CDC14B: variants seen among roughly 807,000 people sequenced by gnomAD.
The protein encoded by CDC14B is dual specificity protein phosphatase CDC14B.
A neutral mutation model predicts 64.2 loss-of-function variants in CDC14B; 22 were observed. The ratio of observed to expected loss-of-function variants is 0.34; its 90% CI spans 0.24 to 0.49. The LOEUF (loss-of-function observed/expected upper bound fraction) is 0.49. Among genes scored for constraint, CDC14B ranks in the 20% least tolerant of loss-of-function variants. The pLI is 0.99. For synonymous variants in CDC14B, 191 were observed against 215.8 expected, an observed-to-expected ratio of 0.89 and a Z score of 1.01; for missense variants, 498 against 629.9, an observed-to-expected ratio of 0.79 and a Z score of 2.24.
At chr9:96,602,964 G>A (rs1020313340) in intron 1 of CDC14B, among the ~76,000 whole-genome samples, 5 of 152,050 alleles carry the variant, frequency 3.3e-5, no homozygotes, top group East Asian at 1.9e-4. Context: ...ACCACATCTC[G>A]ACTTAGAGAA....
chr9:96,492,922 C>G (rs1210582648), exon 14 of CDC14B: 4 of 152,254 alleles, frequency 2.6e-5, no homozygotes, highest in Non-Finnish European at 5.9e-5. Context: ...TTGAACAAGA[C>G]CCCTCTAGCC....
At chr9:96,570,216 T>C (rs919545935) in intron 1 of CDC14B, among the ~76,000 whole-genome samples, 2 of 152,218 alleles carry the variant, frequency 1.3e-5, no homozygotes, top group African/African-American at 2.4e-5. Context: ...TCTGTTAAAT[T>C]TGAAATGAAA....
intron 1 of CDC14B, among the ~76,000 whole-genome samples, chr9:96,607,352 A>AT (rs1564391680): frequency 3.4e-5 from 5 of 148,940 alleles, no homozygotes; most frequent in Non-Finnish European, 7.4e-5. Flanking sequence ...GATTTCATTA[A>AT]ATTTTTTTTT....
At chr9:96,543,303 C>T (rs376300071) in intron 5 of CDC14B, among the ~76,000 whole-genome samples, 6 of 151,756 alleles carry the variant, frequency 4.0e-5, no homozygotes, top group African/African-American at 1.4e-4. Flanking sequence ...CATTGCACTC[C>T]AGCCTGGGTG....
At chr9:96,529,659 T>C (rs991340997) in intron 9 of CDC14B, among the ~76,000 whole-genome samples, 6 of 151,864 alleles carry the variant, frequency 4.0e-5, no homozygotes, top group Non-Finnish European at 8.8e-5. Flanking sequence ...ACCCAGTTAA[T>C]TTTTGTATTT....
intron 1 of CDC14B, among the ~76,000 whole-genome samples, chr9:96,570,974 G>A (rs549192040): frequency 4.6e-5 from 7 of 152,168 alleles, no homozygotes; most frequent in African/African-American, 7.2e-5. Context: ...GCACAGCAAC[G>A]TACAATCTGG....
At chr9:96,562,653 T>C (rs984304070) in intron 4 of CDC14B, 40 bp downstream of exon 4, 1 of 1,244,128 alleles carries the variant, frequency 8.0e-7, no homozygotes, top group African/African-American at 1.5e-5. Context: ...ACCACTGTTG[T>C]GTGCATTTTT....
At chr9:96,514,372 A>T in intron 12 of CDC14B, 1 of 943,196 alleles carries the variant, frequency 1.1e-6, no homozygotes, top group South Asian at 4.9e-5. Context: ...GTAGTTGACT[A>T]AGAGAAGTAA....
chr9:96,553,656 C>T (rs548727359), intron 4 of CDC14B, among the ~76,000 whole-genome samples: 3 of 151,922 alleles, frequency 2.0e-5, no homozygotes, highest in South Asian at 4.2e-4. Flanking sequence ...CCACCATGTC[C>T]GGCCTACACA....
intron 1 of CDC14B, among the ~76,000 whole-genome samples, chr9:96,575,421 T>C (rs979353872): frequency 1.2e-4 from 18 of 152,148 alleles, no homozygotes; most frequent in African/African-American, 4.3e-4. Context: ...CCCCCAACAT[T>C]GTTAGTCTCC....
At chr9:96,608,507 T>C (rs914766280) in intron 1 of CDC14B, among the ~76,000 whole-genome samples, 4 of 152,188 alleles carry the variant, frequency 2.6e-5, no homozygotes, top group Non-Finnish European at 5.9e-5. Context: ...TATACATTCA[T>C]GTCAAAGCAG....
At chr9:96,605,280 T>C (rs1251010964) in intron 1 of CDC14B, among the ~76,000 whole-genome samples, 2 of 152,184 alleles carry the variant, frequency 1.3e-5, no homozygotes, top group Non-Finnish European at 2.9e-5. Context: ...TTTCCAATTG[T>C]ACCACTATTT....
Position 96,551,825 on chromosome 9 carries a change from G to C in CDC14B, c.468C>G (p.Ile156Met). ...AAGGAATATAGGATGTCTCTCCAAA[G>C]ATTAATATTCTATATGCTTCTTCTG... ...RTPEEAYRIL[I>M]FGETSYIPFR... Residue 156 changes from isoleucine (I) to methionine (M), a missense_variant, in exon 5 of 14, where the codon ATC becomes ATG. Physicochemically the swap from Ile to Met is conservative, Grantham distance 10 (BLOSUM62 1). Coordinates refer to ENST00000375241, the MANE Select transcript of CDC14B (RefSeq NM_033331.4). 1.9e-6 allele frequency: 3 copies of C among 1,610,354 alleles called. No homozygotes were observed. Among genetic ancestry groups the C allele is most frequent in the Non-Finnish European group, 1.7e-6 (2 of 1,178,000 alleles).
chr9:96,547,455 G>A (rs1476058245), intron 5 of CDC14B, among the ~76,000 whole-genome samples: 1 of 150,954 alleles, frequency 6.6e-6, no homozygotes, highest in Non-Finnish European at 1.5e-5. Flanking sequence ...GACAGAGCGA[G>A]AGTCTGTCTT....
chr9:96,496,087 C>T (rs1833224577), downstream of CDC14B: 1 of 351,028 alleles, frequency 2.8e-6, no homozygotes, highest in Admixed American at 3.8e-5. Context: ...GAATGGGCCT[C>T]CTACCATCCC....
At chr9:96,549,731 C>A (rs1357286123) in intron 5 of CDC14B, among the ~76,000 whole-genome samples, 5 of 151,928 alleles carry the variant, frequency 3.3e-5, no homozygotes, top group African/African-American at 1.2e-4. Flanking sequence ...AGAAGAGATT[C>A]AAATTCCACA....
intron 1 of CDC14B, among the ~76,000 whole-genome samples, chr9:96,603,155 GACACACACACACACACAC>G (rs5899295): frequency 7.2e-6 from 1 of 138,052 alleles, no homozygotes; most frequent in African/African-American, 2.6e-5. Flanking sequence ...GATAGAAACG[GACACACACACACACACAC>G]ACACACACAC....
intron 12 of CDC14B, among the ~76,000 whole-genome samples, chr9:96,510,118 C>G (rs1394197101): frequency 6.6e-6 from 1 of 152,200 alleles, no homozygotes; most frequent in African/African-American, 2.4e-5. Context: ...GAAGTAGCTT[C>G]TCAGACTTTC....
At chr9:96,566,740 A>T in intron 1 of CDC14B, 1 of 1,594,348 alleles carries the variant, frequency 6.3e-7, no homozygotes, top group Non-Finnish European at 8.5e-7. Flanking sequence ...CGGAGCCCCC[A>T]GGGGAAGCCC....
Sources: allele counts gnomAD v4.1 joint callset (sites outside exome capture counted in the v4.1 genomes callset), GRCh38; gene constraint gnomAD v4.1.1; transcripts MANE v1.5; gene names NCBI Gene and HGNC (gene_info 2026-07-23, HGNC 2026-07-21).